CLNK: variants seen among roughly 807,000 people sequenced by gnomAD.
The protein encoded by CLNK is cytokine dependent hematopoietic cell linker.
CLNK carries 74 observed loss-of-function variants against 68.6 expected under a neutral mutation model. The observed-to-expected ratio is 1.08, with a 90% CI of 0.89 to 1.31. CLNK has a LOEUF of 1.31. Ranked by LOEUF, CLNK falls within the 50% of genes most tolerant of loss-of-function variation. The probability of loss-of-function intolerance (pLI) is 0.00; values close to 1 mark genes in which losing one functional copy is unlikely to be tolerated. For missense variants in CLNK, 553 were observed against 515.3 expected, an observed-to-expected ratio of 1.07 and a Z score of -0.71; for synonymous variants, 198 against 172.2, an observed-to-expected ratio of 1.15 and a Z score of -1.17.
intron 2 of CLNK, among the ~76,000 whole-genome samples, chr4:10,612,724 T>C (rs916451160): frequency 4.6e-5 from 7 of 152,190 alleles, no homozygotes; most frequent in Non-Finnish European, 1.0e-4. Flanking sequence ...TATCTTATCA[T>C]GTTGTCTAGA....
chr4:10,537,355 G>C (rs1269593764), intron 11 of CLNK, among the ~76,000 whole-genome samples: 2 of 152,164 alleles, frequency 1.3e-5, no homozygotes, highest in African/African-American at 4.8e-5. Context: ...CCACACAGCT[G>C]TAATCCCAGC....
At chr4:10,493,240 C>T (rs1716657051) in intron 18 of CLNK, among the ~76,000 whole-genome samples, 1 of 152,170 alleles carries the variant, frequency 6.6e-6, no homozygotes, top group Non-Finnish European at 1.5e-5. Context: ...ATCGCTTGAA[C>T]CTGGGAGGCG....
At chr4:10,553,611 C>T (rs1377345453) in intron 8 of CLNK, among the ~76,000 whole-genome samples, 2 of 152,038 alleles carry the variant, frequency 1.3e-5, no homozygotes, top group African/African-American at 2.4e-5. Flanking sequence ...ACCATCACGC[C>T]CAGCTAATTT....
the CLNK span, among the ~76,000 whole-genome samples, chr4:10,693,613 A>G: frequency 6.6e-6 from 1 of 152,202 alleles, no homozygotes; most frequent in Non-Finnish European, 1.5e-5. Flanking sequence ...GAACCCTGAG[A>G]GGACTCACTT....
chr4:10,700,002 A>ATGTGTG, the CLNK span, among the ~76,000 whole-genome samples: 1 of 39,784 alleles, frequency 2.5e-5, no homozygotes, highest in South Asian at 1.4e-3. Context: ...CTGTGTGTGC[A>ATGTGTG]TATGTGTGTG....
rs972265087 is a variant in CLNK at position 10,487,940 on chromosome 4, C to G, written c.*2527G>C. 1 of 152,174 alleles carries G rather than the reference C, an allele frequency of 6.6e-6. No homozygotes were observed. Among genetic ancestry groups the G allele is most frequent in the Non-Finnish European group, 1.5e-5 (1 of 68,040 alleles). The allele number at this position is 152,174 out of a possible 1,614,324, so 9.4% of individuals were successfully genotyped here. A position where few individuals can be genotyped will look rare whatever the true frequency, so the allele number is the denominator to read the frequency against. The stretch of plus-strand genomic sequence containing the variant: ...TAACCTCCAATCAGTGTTTGCACTT[C>G]TAACTTTGTCCTGGTGTCTGAGTTC... On this transcript the variant is annotated 3_prime_UTR_variant, in exon 19 of 19. Transcript: ENST00000226951.
chr4:10,589,778 T>C (rs923426096), intron 3 of CLNK, among the ~76,000 whole-genome samples: 4 of 152,216 alleles, frequency 2.6e-5, no homozygotes, highest in Admixed American at 6.5e-5. Flanking sequence ...CTCTGCAACT[T>C]GACAGCCCAG....
the CLNK span, among the ~76,000 whole-genome samples, chr4:10,728,478 G>A: frequency 1.3e-5 from 2 of 151,854 alleles, no homozygotes; most frequent in South Asian, 4.2e-4. Flanking sequence ...GATGCCTGAA[G>A]CAAAATCTCT....
chr4:10,507,657 T>C (rs1024698860), intron 17 of CLNK, among the ~76,000 whole-genome samples: 2 of 151,944 alleles, frequency 1.3e-5, no homozygotes, highest in African/African-American at 4.8e-5. Context: ...TTATTTTTTA[T>C]TTTTAGTAGA....
chr4:10,522,595 G>T (rs1018788757), intron 14 of CLNK, among the ~76,000 whole-genome samples: 13 of 139,706 alleles, frequency 9.3e-5, no homozygotes, highest in Admixed American at 8.6e-4. Context: ...AAAAAAGAAA[G>T]AAAGAAAATA....
chr4:10,584,290 T>C (rs1004151307), intron 4 of CLNK, among the ~76,000 whole-genome samples: 1 of 152,204 alleles, frequency 6.6e-6, no homozygotes, highest in Admixed American at 6.5e-5. Context: ...TCCTTATGAC[T>C]CCATCGCTTC....
At chr4:10,705,849 A>G in the CLNK span, among the ~76,000 whole-genome samples, 1 of 152,244 alleles carries the variant, frequency 6.6e-6, no homozygotes, top group Non-Finnish European at 1.5e-5. Context: ...ACTACGCACA[A>G]AATCAAATGT....
intron 8 of CLNK, among the ~76,000 whole-genome samples, chr4:10,555,260 A>ATG (rs1577126527): frequency 6.6e-6 from 1 of 151,964 alleles, no homozygotes; most frequent in East Asian, 1.9e-4. Flanking sequence ...TCATTCTTGT[A>ATG]TATGGTATGC....
the CLNK span, among the ~76,000 whole-genome samples, chr4:10,696,461 C>A: frequency 6.6e-6 from 1 of 152,212 alleles, no homozygotes; most frequent in Non-Finnish European, 1.5e-5. Context: ...TTAGGGCTTG[C>A]TTGCGGCTCA....
chr4:10,546,659 C>T (rs1365175831), intron 8 of CLNK, among the ~76,000 whole-genome samples: 3 of 152,170 alleles, frequency 2.0e-5, no homozygotes, highest in African/African-American at 7.2e-5. Flanking sequence ...TCTACTTTTG[C>T]CCATTACTCA....
intron 7 of CLNK, among the ~76,000 whole-genome samples, chr4:10,560,589 G>A (rs549584196): frequency 2.0e-5 from 3 of 148,858 alleles, no homozygotes; most frequent in Admixed American, 6.7e-5. Context: ...GACTACAGGC[G>A]TGCGTCACCA....
At chr4:10,714,668 T>C in the CLNK span, among the ~76,000 whole-genome samples, 2 of 146,792 alleles carry the variant, frequency 1.4e-5, no homozygotes, top group African/African-American at 2.5e-5. Context: ...ATATCTTAGA[T>C]AATACATTCA....
intron 2 of CLNK, among the ~76,000 whole-genome samples, chr4:10,623,962 A>G (rs1030598995): frequency 7.2e-5 from 11 of 152,402 alleles, no homozygotes; most frequent in African/African-American, 2.6e-4. Flanking sequence ...TAAATGTTAC[A>G]TGCAGCAAGG....
intron 18 of CLNK, among the ~76,000 whole-genome samples, chr4:10,500,305 T>C (rs1390620728): frequency 1.3e-5 from 2 of 152,194 alleles, no homozygotes; most frequent in Non-Finnish European, 2.9e-5. Context: ...TCTTTGGCCA[T>C]TTATTTAATT....
Sources: allele counts gnomAD v4.1 joint callset (sites outside exome capture counted in the v4.1 genomes callset), GRCh38; gene constraint gnomAD v4.1.1; transcripts MANE v1.5; gene names NCBI Gene and HGNC (gene_info 2026-07-23, HGNC 2026-07-21).